The following RPP21 variants were observed in gnomAD, a reference collection of about 807,000 sequenced individuals.
RPP21 encodes the protein ribonuclease P subunit p21, also known as ribonuclease P protein subunit p21.
RPP21 carries 21 observed loss-of-function variants against 19.0 expected under a neutral mutation model. That is an observed-to-expected ratio of 1.11 (90% CI 0.78 to 1.59). RPP21 has a LOEUF of 1.59. Among genes scored for constraint, RPP21 ranks in the 40% most tolerant of loss-of-function variants. RPP21 has a pLI of 0.00. For synonymous variants in RPP21, 93 were observed against 78.7 expected (o/e 1.18, Z -0.96); for missense variants, 215 against 200.2 (o/e 1.07, Z -0.45).
In RPP21 at chr6:30,345,236, T is replaced by C; in HGVS notation, c.57+8T>C. The C allele has an allele frequency of 2.5e-6, 4 of 1,610,038 alleles. No individual in the cohort carries two copies. Among genetic ancestry groups the C allele is most frequent in the Middle Eastern group, 3.3e-4 (2 of 6,058 alleles). On this transcript the variant is annotated splice_region_variant and intron_variant, in intron 1 of 4. Transcript: ENST00000442966. ...CTCAACTTCCTGTACCAGGTGAGTC[T>C]GCGACAAGGGCCCCACGGGGACGGT...
chr6:30,345,634 T>TG, intron 3 of RPP21, 61 bp downstream of exon 3: 4 of 122,316 alleles, frequency 3.3e-5, no homozygotes, highest in Non-Finnish European at 4.7e-5. Flanking sequence ...GGGGGCGGGG[T>TG]GGGGGGCGGG....
In RPP21 at chr6:30,346,479, C is replaced by T. The variant is rs754998113; in HGVS notation, c.289C>T (p.Arg97Cys). Reference sequence around the variant, plus strand: ...CGTACAGACCTGCCTAACATGCCAGCGCAGCCAACGCTTCCTCAATGATCC... The same window carrying T: ...CGTACAGACCTGCCTAACATGCCAGTGCAGCCAACGCTTCCTCAATGATCC... ...WTVQTCLTCQ[R>C]SQRFLNDPGH... is the part of the protein sequence containing the mutation. The change falls in exon 4 of 5, where the codon CGC becomes TGC. Residue 97 changes from arginine (R) to cysteine (C), a missense_variant. Arg to Cys is a radical substitution (Grantham distance 180). Transcript: ENST00000442966. This position sits in a 1 kb window ranked among gnomAD's most constrained non-coding sequence, Gnocchi z 4.7. 2.2e-5 allele frequency: 35 copies of T among 1,614,080 alleles called. No individual in the cohort carries two copies. The highest frequency in any genetic ancestry group is 3.0e-5 in the Non-Finnish European group (35 of 1,180,014).
In RPP21 at chr6:30,345,624, G is replaced by T. The variant is rs754932563; in HGVS notation, c.241+51G>T. 1.7e-5 allele frequency: 24 copies of T among 1,443,822 alleles called. No homozygotes were observed. The South Asian group carries it at 1.8e-4, about 11-fold the overall frequency. The allele number at this position is 1,443,822 out of a possible 1,614,324, so 89.4% of individuals were successfully genotyped here. A position where few individuals can be genotyped will look rare whatever the true frequency, so the allele number is the denominator to read the frequency against. On this transcript the variant is annotated intron_variant, in intron 3 of 4. Coordinates refer to ENST00000442966, the MANE Select transcript of RPP21 (RefSeq NM_024839.4). ...ACTGCGGAGCATTGGGGGCGCGGAGGGGGGCGGGGTGGGGGGCGGGCACTG... is the reference window on the plus strand; with the variant it reads ...ACTGCGGAGCATTGGGGGCGCGGAGTGGGGCGGGGTGGGGGGCGGGCACTG...
At chr6:30,345,874 C>A in intron 3 of RPP21, 1 of 397,898 alleles carries the variant, frequency 2.5e-6, no homozygotes, top group Non-Finnish European at 4.5e-6. Context: ...TTGTGGAGGA[C>A]GATTCCCATC....
intron 2 of RPP21, 40 bp downstream of exon 2, chr6:30,345,438 A>C: frequency 5.0e-6 from 8 of 1,611,172 alleles, no homozygotes; most frequent in Non-Finnish European, 6.8e-6. Flanking sequence ...GGGACGCGGG[A>C]GGAACGCGAG....
At chr6:30,345,674 G>A in intron 3 of RPP21, 101 bp downstream of exon 3, 1 of 1,289,674 alleles carries the variant, frequency 7.8e-7, no homozygotes, top group Middle Eastern at 2.8e-4. Flanking sequence ...CTTTCTCACT[G>A]TAGATGGATG....
In RPP21 at chr6:30,346,237, A is replaced by G. The variant is rs1788137469; in HGVS notation, c.242-195A>G. On this transcript the variant is annotated intron_variant, in intron 3 of 4. Transcript: ENST00000442966. The surrounding 1 kb of genome is among the most constrained non-coding windows in gnomAD (Gnocchi z 4.7). Reference sequence around the variant, plus strand: ...GCCAGTTCTTGAAGTCTTGTTAGGGAGTTTGAACTTTATCTTAAAGAGTTC... The same window carrying G: ...GCCAGTTCTTGAAGTCTTGTTAGGGGGTTTGAACTTTATCTTAAAGAGTTC... 3.1e-6 allele frequency: 3 copies of G among 966,232 alleles called. No individual in the cohort carries two copies. The East Asian group carries it at 8.3e-5, about 27-fold the overall frequency. 59.9% of individuals were successfully genotyped at this position (966,232 alleles called of 1,614,324 possible). A position where few individuals can be genotyped will look rare whatever the true frequency, so the allele number is the denominator to read the frequency against.
In RPP21 at chr6:30,345,563, G is replaced by C. The variant is rs6986; in HGVS notation, c.231G>C (p.Gln77His). ...TCGTCCCGGGCCTCACCTGCACCCA[G>C]CGCCAGAGACGTGAGTGCTCCAACG... ...SLLVPGLTCT[Q>H]RQRRCRGQRW... The change falls in exon 3 of 5, where the codon CAG (glutamine) becomes CAC (histidine). Residue 77 changes from glutamine to histidine, a missense_variant. Coordinates refer to ENST00000442966, the MANE Select transcript of RPP21 (RefSeq NM_024839.4). 0.24 allele frequency: 368,665 copies of C among 1,538,976 alleles called. 46,027 individuals are homozygous for C. Among genetic ancestry groups the C allele is most frequent in the Middle Eastern group, 0.41 (2,407 of 5,832 alleles).
Position 30,346,421 on chromosome 6 carries a change from G to A in RPP21, c.242-11G>A. 8 of 1,609,240 alleles carry A rather than the reference G, an allele frequency of 5.0e-6. No individual in the cohort carries two copies. The highest frequency in any genetic ancestry group is 5.9e-6 in the Non-Finnish European group (7 of 1,176,680). On this transcript the variant is annotated splice_polypyrimidine_tract_variant and intron_variant, in intron 3 of 4. Coordinates refer to ENST00000442966, the MANE Select transcript of RPP21 (RefSeq NM_024839.4). This position sits in a 1 kb window ranked among gnomAD's most constrained non-coding sequence, Gnocchi z 4.7. ...TAAACGTGGACAGTCTTTTTCCCATGTTCACCCTAGGCTGCAGGGGACAGC... is the reference window on the plus strand; with the variant it reads ...TAAACGTGGACAGTCTTTTTCCCATATTCACCCTAGGCTGCAGGGGACAGC...
At position 30,346,506 on chromosome 6, in the gene RPP21, G is replaced by A. The variant is rs554843005; in HGVS notation, c.316G>A (p.Gly106Arg). Reference protein sequence around the residue: ...QRSQRFLNDPGHLLWGDRPEA... With the variant: ...QRSQRFLNDPRHLLWGDRPEA... ...CAGCCAACGCTTCCTCAATGATCCCGGGCATTTACTCTGGGGAGACAGGCC... is the reference window on the plus strand; with the variant it reads ...CAGCCAACGCTTCCTCAATGATCCCAGGCATTTACTCTGGGGAGACAGGCC... Residue 106 changes from glycine to arginine, a missense_variant, in exon 4 of 5, where the codon GGG (glycine) becomes AGG (arginine). Gly to Arg is a moderately radical substitution (Grantham distance 125). Transcript: ENST00000442966. This position sits in a 1 kb window ranked among gnomAD's most constrained non-coding sequence, Gnocchi z 4.7. 1.3e-5 allele frequency: 21 copies of A among 1,614,030 alleles called. No homozygotes were observed. Among genetic ancestry groups the A allele is most frequent in the African/African-American group, 2.7e-5 (2 of 74,966 alleles).
rs756032106 is a variant in RPP21 at position 30,345,484 on chromosome 6, C to T, written c.159-7C>T. The T allele has an allele frequency of 1.9e-6, 3 of 1,609,494 alleles. No individual in the cohort carries two copies. The highest frequency in any genetic ancestry group is 2.5e-6 in the Non-Finnish European group (3 of 1,178,096). On this transcript the variant is annotated splice_region_variant and splice_polypyrimidine_tract_variant and intron_variant, in intron 2 of 4. Transcript: ENST00000442966. ...GGCGCCAGACCACTATCCTCCTCCG[C>T]CCCCAGGGATCCCTCGGTGAAGAGG...
In RPP21 at chr6:30,345,293, C is replaced by G; in HGVS notation, c.58-5C>G. 6.2e-7 allele frequency: 1 copy of G among 1,613,754 alleles called. No individual in the cohort carries two copies. Among genetic ancestry groups the G allele is most frequent in the African/African-American group, 1.3e-5 (1 of 75,032 alleles). On this transcript the variant is annotated splice_polypyrimidine_tract_variant and splice_region_variant and intron_variant, in intron 1 of 4. Coordinates refer to ENST00000442966, the MANE Select transcript of RPP21 (RefSeq NM_024839.4). The stretch of plus-strand genomic sequence containing the variant: ...CGTCCCAGAGTGACTGCTCCCCTCC[C>G]GCAGGCCGCCCATTGTGTCCTTGCC...
At position 30,345,159 on chromosome 6, in the gene RPP21, G is replaced by C. The variant is rs369137891; in HGVS notation, c.-13G>C. The C allele has an allele frequency of 6.4e-7, 1 of 1,555,482 alleles. No individual in the cohort carries two copies. The highest frequency in any genetic ancestry group is 8.7e-7 in the Non-Finnish European group (1 of 1,153,426). Reference sequence around the variant, plus strand: ...AGGGGTGGGGCTGCGGGAGGCCCTGGAGCGCGGCGGTGATGGCGGGGCCGG... The same window carrying C: ...AGGGGTGGGGCTGCGGGAGGCCCTGCAGCGCGGCGGTGATGGCGGGGCCGG... On this transcript the variant is annotated 5_prime_UTR_variant, in exon 1 of 5. Transcript: ENST00000442966.
Position 30,346,338 on chromosome 6 carries a change from C to A in RPP21, c.242-94C>A. On this transcript the variant is annotated intron_variant, in intron 3 of 4. Transcript: ENST00000442966. The surrounding 1 kb of genome is among the most constrained non-coding windows in gnomAD (Gnocchi z 4.7). Reference sequence around the variant, plus strand: ...TCAAATTGGGGGTGTGGTGGGGGAGCGGGGATACCTACTGAAAAACACTGG... The same window carrying A: ...TCAAATTGGGGGTGTGGTGGGGGAGAGGGGATACCTACTGAAAAACACTGG... The A allele has an allele frequency of 6.5e-7, 1 of 1,549,978 alleles. No individual in the cohort carries two copies. Among genetic ancestry groups the A allele is most frequent in the South Asian group, 1.2e-5 (1 of 81,324 alleles).
At chr6:30,345,693 G>A in intron 3 of RPP21, 120 bp downstream of exon 3, 4 of 1,156,116 alleles carry the variant, frequency 3.5e-6, no homozygotes, top group Non-Finnish European at 4.7e-6. Flanking sequence ...TGTTGGGTGT[G>A]GGATTCGCAG....
In RPP21 at chr6:30,346,518, T is replaced by G. The variant is rs1259812817; in HGVS notation, c.328T>G (p.Trp110Gly). 6.2e-7 allele frequency: 1 copy of G among 1,613,878 alleles called. No individual in the cohort carries two copies. Residue 110 changes from tryptophan to glycine, a missense_variant, in exon 4 of 5, where the codon TGG becomes GGG. By Grantham distance (184) the Trp-to-Gly change is radical (BLOSUM62 -2). Coordinates refer to ENST00000442966, the MANE Select transcript of RPP21 (RefSeq NM_024839.4). This position sits in a 1 kb window ranked among gnomAD's most constrained non-coding sequence, Gnocchi z 4.7. ...RFLNDPGHLL[W>G]GDRPEAQLGS... ...CCTCAATGATCCCGGGCATTTACTC[T>G]GGGGAGACAGGCCTGAGGCCCAGCT...
intron 3 of RPP21, 63 bp downstream of exon 3, chr6:30,345,636 G>A: frequency 7.2e-7 from 1 of 1,380,488 alleles, no homozygotes; most frequent in South Asian, 1.4e-5. Flanking sequence ...GGGCGGGGTG[G>A]GGGGCGGGCA....
chr6:30,345,491 G>A lies in RPP21; in HGVS notation c.159G>A (p.Arg53=), dbSNP rs11967. The A allele has an allele frequency of 0.24, 383,441 of 1,606,988 alleles. 49,285 individuals are homozygous for A. The highest frequency in any genetic ancestry group is 0.26 in the Non-Finnish European group (307,106 of 1,176,678). Residue 53 remains arginine (R), a splice_region_variant and synonymous_variant, in exon 3 of 5, where the codon CGG becomes CGA. Transcript: ENST00000442966. ...RTIAKRLVLR[R]DPSVKRTLCR... ...GACCACTATCCTCCTCCGCCCCCAGGGATCCCTCGGTGAAGAGGACTCTCT... is the reference window on the plus strand; with the variant it reads ...GACCACTATCCTCCTCCGCCCCCAGAGATCCCTCGGTGAAGAGGACTCTCT...
chr6:30,345,633 G>A, intron 3 of RPP21, 60 bp downstream of exon 3: 2 of 1,371,114 alleles, frequency 1.5e-6, no homozygotes, highest in Non-Finnish European at 9.7e-7. Flanking sequence ...GGGGGGCGGG[G>A]TGGGGGGCGG....
Sources: allele counts gnomAD v4.1 joint callset, GRCh38; gene constraint gnomAD v4.1.1; non-coding constraint Gnocchi (gnomAD v3.1); transcripts MANE v1.5; gene names NCBI Gene and HGNC (gene_info 2026-07-23, HGNC 2026-07-21).